The following PDXDC1 variants were observed in gnomAD, a reference collection of about 807,000 sequenced individuals.
The protein encoded by PDXDC1 is pyridoxal-dependent decarboxylase domain-containing protein 1.
In PDXDC1, 42 loss-of-function variants were observed where a neutral mutation model predicts 100.1. The ratio of observed to expected loss-of-function variants is 0.42; its 90% confidence interval spans 0.33 to 0.54. The LOEUF is 0.54. PDXDC1 is among the 20% of genes least tolerant of loss of function. The probability of loss-of-function intolerance (pLI) is 0.10; values close to 1 mark genes in which losing one functional copy is unlikely to be tolerated. For missense variants in PDXDC1, 636 were observed against 979.2 expected (o/e 0.65, Z 4.68); for synonymous variants, 260 against 371.7 (o/e 0.70, Z 3.46).
chr16:15,111,114 T>A (rs1373661576), intron 16 of PDXDC1, among the ~76,000 whole-genome samples: 2 of 121,948 alleles, frequency 1.6e-5, no homozygotes, highest in African/African-American at 5.6e-5. Context: ...AGCGACAGAA[T>A]GAGACTCTGT....
chr16:15,102,087 C>T (rs1436169577), intron 16 of PDXDC1, among the ~76,000 whole-genome samples: 1 of 152,134 alleles, frequency 6.6e-6, no homozygotes, highest in Non-Finnish European at 1.5e-5. Context: ...ACCTTGTGAT[C>T]CACCTGCCTC....
chr16:15,094,887 G>A (rs1344963623), intron 16 of PDXDC1: 1 of 152,260 alleles, frequency 6.6e-6, no homozygotes, highest in Admixed American at 6.6e-5. Flanking sequence ...TGCCCAGGTG[G>A]AGTGCAGTGG....
At chr16:15,063,116 G>A (rs991460951) in intron 16 of PDXDC1, 6 of 1,096,962 alleles carry the variant, frequency 5.5e-6, no homozygotes, top group Middle Eastern at 2.3e-4. Context: ...ACGCACGAAC[G>A]ACTTGCCACT....
At chr16:15,139,914 G>T (rs2048438580), downstream of PDXDC1, among the ~76,000 whole-genome samples, 1 of 151,990 alleles carries the variant, frequency 6.6e-6, no homozygotes, top group Non-Finnish European at 1.5e-5. Context: ...TGGCCAACAG[G>T]GTGAAACCCC....
intron 16 of PDXDC1, chr16:15,134,054 GA>G (rs779750688): frequency 1.8e-5 from 29 of 1,572,168 alleles, no homozygotes; most frequent in Non-Finnish European, 2.5e-5. Context: ...TCTTGTTGCT[GA>G]ACGTACGTGC....
chr16:15,019,097 G>A (rs1274616994), intron 12 of PDXDC1, 132 bp downstream of exon 12: 185 of 1,261,682 alleles, frequency 1.5e-4, no homozygotes, highest in Non-Finnish European at 1.8e-4. Flanking sequence ...GAGACTAATC[G>A]CCCTGCATGT....
At chr16:15,092,072 G>A (rs537743101) in intron 16 of PDXDC1, among the ~76,000 whole-genome samples, 25 of 152,182 alleles carry the variant, frequency 1.6e-4, no homozygotes, top group African/African-American at 3.9e-4. Flanking sequence ...CCACCTATTC[G>A]GAAGACTGAG....
chr16:15,065,058 C>A (rs1338163070), intron 16 of PDXDC1, among the ~76,000 whole-genome samples: 1 of 151,358 alleles, frequency 6.6e-6, no homozygotes, highest in Admixed American at 6.6e-5. Flanking sequence ...CCCAGCTACT[C>A]GGGAGGCTGA....
rs575829574 is a variant in PDXDC1, at chr16:14,977,654, C to T, written c.21+2434C>T. Among the ~76,000 whole-genome samples, 7 of 152,374 alleles carry T rather than the reference C, an allele frequency of 4.6e-5. No individual in the cohort carries two copies. In the South Asian group the frequency reaches 1.4e-3, roughly 32 times the overall value. ...ACGATTTATATTGGTGCTAATTGGG[C>T]AGAAAAGAAAAAGCATTGCTGTAAT... On this transcript the variant is annotated intron_variant, in intron 1 of 22. Transcript: ENST00000396410.
intron 8 of PDXDC1, among the ~76,000 whole-genome samples, chr16:15,014,869 C>T (rs1293249592): frequency 6.6e-6 from 1 of 152,290 alleles, no homozygotes; most frequent in Non-Finnish European, 1.5e-5. Flanking sequence ...TATGCTTAAG[C>T]TGGCTTCAGA....
At chr16:15,000,759 A>G (rs973594905) in intron 3 of PDXDC1, among the ~76,000 whole-genome samples, 2 of 152,122 alleles carry the variant, frequency 1.3e-5, no homozygotes, top group South Asian at 2.1e-4. Context: ...AGAGCTGGTA[A>G]TAAATGAAGC....
rs1269024440 is a variant in PDXDC1 at position 15,037,509 on chromosome 16, C to CTT, written c.*1235_*1236dup. 6.6e-6 allele frequency: 1 copy of CTT among 152,462 alleles called. No homozygotes were observed. The highest frequency in any genetic ancestry group is 1.5e-5 in the Non-Finnish European group (1 of 68,372). The allele number at this position is 152,462 out of a possible 1,614,324, so 9.4% of individuals were successfully genotyped here. On this transcript the variant is annotated 3_prime_UTR_variant, in exon 23 of 23. Transcript: ENST00000396410. ...TTTTTGGTGCAGATGATTAAACAGT[C>CTT]TTCCCTATTTGGTGCAATGAAGTAT...
intron 16 of PDXDC1, among the ~76,000 whole-genome samples, chr16:15,111,109 C>A (rs1247689108): frequency 7.4e-6 from 1 of 134,552 alleles, no homozygotes; most frequent in East Asian, 2.1e-4. Flanking sequence ...GCCTGAGCGA[C>A]AGAATGAGAC....
chr16:15,093,850 G>A (rs1328388090), intron 16 of PDXDC1: 20 of 452,906 alleles, frequency 4.4e-5, no homozygotes, highest in Non-Finnish European at 6.6e-5. Flanking sequence ...GAAGAAGAGG[G>A]AAGGAAGAGG....
At chr16:15,131,066 T>C in intron 16 of PDXDC1, 1 of 1,599,556 alleles carries the variant, frequency 6.3e-7, no homozygotes, top group South Asian at 1.1e-5. Flanking sequence ...GGGCCGCGTG[T>C]GCCTCACCCG....
At chr16:15,010,228 A>C (rs1181859294) in intron 8 of PDXDC1, 18 of 162,442 alleles carry the variant, frequency 1.1e-4, no homozygotes, top group Non-Finnish European at 2.0e-4. Flanking sequence ...TTGTATTTTT[A>C]GTAGAGACAG....
At chr16:14,988,369 C>T (rs1969902130) in intron 1 of PDXDC1, 1 of 1,614,168 alleles carries the variant, frequency 6.2e-7, no homozygotes, top group Admixed American at 1.7e-5. Flanking sequence ...ATGAGGGAGG[C>T]CAAGCTGAAC....
chr16:15,092,716 A>G, intron 16 of PDXDC1: 1 of 781,478 alleles, frequency 1.3e-6, no homozygotes, highest in Non-Finnish European at 2.2e-6. Flanking sequence ...ACTATTGTTA[A>G]GGCCTCTTTA....
intron 16 of PDXDC1, chr16:15,128,192 G>A (rs1170978671): frequency 1.9e-6 from 3 of 1,610,590 alleles, no homozygotes; most frequent in East Asian, 4.5e-5. Flanking sequence ...CGGGGGCAGA[G>A]GGGCAGAGCT....
Sources: gnomAD v4.1 joint callset for allele counts (sites outside exome capture counted in the v4.1 genomes callset) on GRCh38, gnomAD v4.1.1 for gene constraint, MANE v1.5 for transcripts, NCBI Gene and HGNC (gene_info 2026-07-23, HGNC 2026-07-21) for gene names.